ZFYVE1: variants seen among roughly 807,000 people sequenced by gnomAD.
ZFYVE1 encodes zinc finger FYVE domain-containing protein 1.
Under a neutral mutation model 74.4 loss-of-function variants are expected in ZFYVE1, and 30 were observed. That is an observed-to-expected ratio of 0.40 (90% CI 0.30 to 0.55). The LOEUF (loss-of-function observed/expected upper bound fraction) is 0.55, where lower values mean the gene tolerates loss of function less well. Ranked by LOEUF, ZFYVE1 falls within the 20% of genes least tolerant of loss-of-function variation. ZFYVE1 has a pLI of 0.42. For missense variants in ZFYVE1, 703 were observed against 1,011.6 expected (o/e 0.69, Z 4.14); for synonymous variants, 335 against 385.1 (o/e 0.87, Z 1.52).
At chr14:72,974,395 C>T (rs1278237462) in intron 10 of ZFYVE1, among the ~76,000 whole-genome samples, 1 of 152,194 alleles carries the variant, frequency 6.6e-6, no homozygotes, top group East Asian at 1.9e-4. Flanking sequence ...TTAGCTGCAA[C>T]CTTCTGGGGC....
In ZFYVE1 at chr14:73,024,398, G is replaced by A. The variant is rs1594871646; in HGVS notation, c.111C>T (p.Cys37=). Reference sequence around the variant, plus strand: ...CGCAGCGGAGACACTGCAGACTGCAGCACTCATCACACTCAAAGATAGCTT... The same window carrying A: ...CGCAGCGGAGACACTGCAGACTGCAACACTCATCACACTCAAAGATAGCTT... ...TDEAIFECDE[C]CSLQCLRCEE... is the part of the protein sequence containing the mutation. Residue 37 remains cysteine (C), a synonymous_variant, in exon 2 of 12, where the codon TGC becomes TGT. Coordinates refer to ENST00000556143, the MANE Select transcript of ZFYVE1 (RefSeq NM_021260.4). The A allele has an allele frequency of 2.5e-6, 4 of 1,614,166 alleles. No individual in the cohort carries two copies. In the East Asian group the frequency reaches 8.9e-5, roughly 36 times the overall value.
intron 2 of ZFYVE1, among the ~76,000 whole-genome samples, chr14:73,008,909 T>G (rs1334373622): frequency 6.6e-6 from 1 of 152,108 alleles, no homozygotes; most frequent in Non-Finnish European, 1.5e-5. Flanking sequence ...CCTGGGCAAC[T>G]GACTCAACCC....
intron 4 of ZFYVE1, among the ~76,000 whole-genome samples, chr14:72,984,358 A>G (rs957252761): frequency 3.3e-5 from 5 of 151,922 alleles, no homozygotes; most frequent in Admixed American, 6.6e-5. Flanking sequence ...GTGAAACCCC[A>G]TCTCTACTAA....
intron 2 of ZFYVE1, among the ~76,000 whole-genome samples, chr14:73,009,508 G>A (rs976896925): frequency 2.6e-5 from 4 of 152,220 alleles, no homozygotes; most frequent in African/African-American, 4.8e-5. Flanking sequence ...TGTAATCTCA[G>A]CACTATGGGA....
chr14:72,986,512 T>G (rs1394618515), intron 4 of ZFYVE1, among the ~76,000 whole-genome samples: 1 of 150,012 alleles, frequency 6.7e-6, no homozygotes, highest in Admixed American at 6.6e-5. Context: ...TAGCATGTTT[T>G]AGATGCAAGA....
chr14:72,993,430 C>T lies in ZFYVE1; in HGVS notation c.989-73G>A, dbSNP rs1209948765. 12 of 1,368,442 alleles carry T rather than the reference C, an allele frequency of 8.8e-6. No homozygotes were observed. The Admixed American group carries it at 1.4e-4, about 16-fold the overall frequency. 84.8% of individuals were successfully genotyped at this position (1,368,442 alleles called of 1,614,324 possible). The stretch of plus-strand genomic sequence containing the variant: ...AAAAAAAAAAAAAGTAGGCCAGGCA[C>T]GGTGGCCCACACCTGTAACCCTAGC... On this transcript the variant is annotated intron_variant, in intron 3 of 11. Coordinates refer to ENST00000556143, the MANE Select transcript of ZFYVE1 (RefSeq NM_021260.4).
chr14:72,975,335 A>G lies in ZFYVE1; in HGVS notation c.1806+216T>C. On this transcript the variant is annotated intron_variant, in intron 9 of 11. Coordinates refer to ENST00000556143, the MANE Select transcript of ZFYVE1 (RefSeq NM_021260.4). The surrounding 1 kb of genome is among the most constrained non-coding windows in gnomAD (Gnocchi z 4.1). Reference sequence around the variant, plus strand: ...CACACAAGGAAACTAAAACTCACCAAACAGAAAATACTTGCAGGAAAACAC... The same window carrying G: ...CACACAAGGAAACTAAAACTCACCAGACAGAAAATACTTGCAGGAAAACAC... The G allele has an allele frequency of 1.6e-6, 1 of 609,110 alleles. No individual in the cohort carries two copies. Among genetic ancestry groups the G allele is most frequent in the Admixed American group, 3.4e-5 (1 of 29,222 alleles). The allele number at this position is 609,110 out of a possible 1,614,324, so 37.7% of individuals were successfully genotyped here. A position where few individuals can be genotyped will look rare whatever the true frequency, so the allele number is the denominator to read the frequency against.
chr14:73,005,314 T>A (rs1488387274), intron 2 of ZFYVE1, among the ~76,000 whole-genome samples: 1 of 152,126 alleles, frequency 6.6e-6, no homozygotes, highest in African/African-American at 2.4e-5. Flanking sequence ...AAGCTCCAGC[T>A]CTACTTGTTC....
intron 2 of ZFYVE1, among the ~76,000 whole-genome samples, chr14:73,023,402 T>C (rs893595129): frequency 7.3e-6 from 1 of 136,750 alleles, no homozygotes; most frequent in African/African-American, 2.8e-5. Context: ...GTGTTTTATA[T>C]ATAATATATA....
rs759886359 is a variant in ZFYVE1 at position 72,997,869 on chromosome 14, T to C, written c.930A>G (p.Thr310=). The change falls in exon 3 of 12, where the codon ACA becomes ACG. Residue 310 remains threonine (T), a synonymous_variant. Transcript: ENST00000556143. The part of the protein sequence containing the change: ...ARCGLDVPLS[T]LGPAVIIFHE... Reference sequence around the variant, plus strand: ...GGAAGATGATAACTGCAGGGCCCAGTGTGGATAAAGGGACATCCAGGCCAC... The same window carrying C: ...GGAAGATGATAACTGCAGGGCCCAGCGTGGATAAAGGGACATCCAGGCCAC... The C allele has an allele frequency of 6.2e-7, 1 of 1,612,614 alleles. No homozygotes were observed. The highest frequency in any genetic ancestry group is 1.3e-5 in the African/African-American group (1 of 74,862).
At chr14:73,023,950 A>ATCGTTTTT in intron 2 of ZFYVE1, 76 bp downstream of exon 2, 4 of 1,539,516 alleles carry the variant, frequency 2.6e-6, no homozygotes, top group Non-Finnish European at 3.5e-6. Context: ...CTTCTTGGAC[A>ATCGTTTTT]TCGTTTTTTG....
Position 73,026,746 on chromosome 14 carries a change from C to G in ZFYVE1, c.-435+180G>C, listed in dbSNP as rs567359262. 1.6e-3 allele frequency among the ~76,000 whole-genome samples: 238 copies of G among 149,632 alleles called. 2 individuals carry two copies. Among genetic ancestry groups the G allele is most frequent in the African/African-American group, 5.4e-3 (217 of 40,558 alleles). On this transcript the variant is annotated intron_variant, in intron 1 of 11. Transcript: ENST00000556143. ...AAGAACAAAGAAGGTCCCCCAAAAT[C>G]CCCCCCACGCCGGCAAAACCCGGAG... is the stretch of plus-strand genomic sequence containing the variant.
chr14:73,024,499 G>C lies in ZFYVE1; in HGVS notation c.10C>G (p.Gln4Glu). ...AGGCCCTTCTCTGCTGGGGAAGTCT[G>C]GGCACTCATACTCACGCTGGTAAGG... MSA[Q>E]TSPAEKGLNP... Residue 4 changes from glutamine (Q) to glutamate (E), a missense_variant, in exon 2 of 12, where the codon CAG (glutamine) becomes GAG (glutamate). By Grantham distance (29) the Gln-to-Glu change is conservative (BLOSUM62 2). Coordinates refer to ENST00000556143, the MANE Select transcript of ZFYVE1 (RefSeq NM_021260.4). The C allele has an allele frequency of 6.2e-7, 1 of 1,603,920 alleles. No individual in the cohort carries two copies. Among genetic ancestry groups the C allele is most frequent in the Non-Finnish European group, 8.5e-7 (1 of 1,174,120 alleles).
At chr14:72,992,708 C>A (rs1048774753) in intron 4 of ZFYVE1, among the ~76,000 whole-genome samples, 1 of 147,778 alleles carries the variant, frequency 6.8e-6, no homozygotes, top group Non-Finnish European at 1.5e-5. Flanking sequence ...GAACAAAAAA[C>A]AATTTCTACC....
At chr14:72,971,613 A>G (rs1473327614) in intron 11 of ZFYVE1, among the ~76,000 whole-genome samples, 2 of 152,088 alleles carry the variant, frequency 1.3e-5, no homozygotes, top group African/African-American at 2.4e-5. Context: ...TAGGCATAAC[A>G]TTATAGGCAT....
Position 73,024,426 on chromosome 14 carries a change from T to A in ZFYVE1, c.83A>T (p.Asp28Val). The A allele has an allele frequency of 1.2e-6, 2 of 1,614,158 alleles. No individual in the cohort carries two copies. The highest frequency in any genetic ancestry group is 1.7e-5 in the Admixed American group (1 of 60,002). Residue 28 changes from aspartate (D) to valine (V), a missense_variant, in exon 2 of 12, where the codon GAT becomes GTT. Physicochemically the swap from Asp to Val is radical, Grantham distance 152 (BLOSUM62 -3). This residue lies in a region of ZFYVE1 where 211 missense variants were observed against 221.7 expected (regional missense o/e 0.95). Coordinates refer to ENST00000556143, the MANE Select transcript of ZFYVE1 (RefSeq NM_021260.4). ...CTCATCACACTCAAAGATAGCTTCA[T>A]CAGTCCCGCTGCAAGCGTAACTTTC... ...CQESYACSGT[D>V]EAIFECDECC...
chr14:73,025,906 C>T (rs1894450193), intron 1 of ZFYVE1, among the ~76,000 whole-genome samples: 1 of 151,888 alleles, frequency 6.6e-6, no homozygotes, highest in Non-Finnish European at 1.5e-5. Context: ...CACATGCATC[C>T]CACAATTGGG....
chr14:72,997,647 T>C (rs1893777577), intron 3 of ZFYVE1, among the ~76,000 whole-genome samples, 164 bp downstream of exon 3: 2 of 152,226 alleles, frequency 1.3e-5, no homozygotes, highest in South Asian at 4.1e-4. Context: ...TATAAGCAGA[T>C]TGACATGTTT....
chr14:72,990,539 G>T (rs1285954127), intron 4 of ZFYVE1, among the ~76,000 whole-genome samples: 1 of 149,468 alleles, frequency 6.7e-6, no homozygotes, highest in Non-Finnish European at 1.5e-5. Flanking sequence ...TGGGATTACA[G>T]CCACGCACCA....
Sources: gnomAD v4.1 joint callset for allele counts (sites outside exome capture counted in the v4.1 genomes callset) on GRCh38, gnomAD v4.1.1 for gene constraint, gnomAD v4.1.1 regional missense constraint, Gnocchi (gnomAD v3.1) non-coding constraint, MANE v1.5 for transcripts, NCBI Gene and HGNC (gene_info 2026-07-23, HGNC 2026-07-21) for gene names.